Variants in HS6ST3 observed in about 807,000 individuals in gnomAD.
HS6ST3 encodes the protein heparan-sulfate 6-O-sulfotransferase 3.
In HS6ST3, 12 loss-of-function variants were observed where a neutral mutation model predicts 36.7. The ratio of observed to expected loss-of-function variants is 0.33; its 90% CI spans 0.21 to 0.53. HS6ST3 has a LOEUF of 0.53. HS6ST3 is among the 20% of genes least tolerant of loss of function. The pLI is 0.95. For synonymous variants in HS6ST3, 240 were observed against 257.5 expected, an observed-to-expected ratio of 0.93 and a Z score of 0.65; for missense variants, 584 against 640.9, an observed-to-expected ratio of 0.91 and a Z score of 0.96.
intron 1 of HS6ST3, among the ~76,000 whole-genome samples, chr13:96,595,946 A>T (rs2056399907): frequency 6.6e-6 from 1 of 151,570 alleles, no homozygotes. Context: ...AATTAAAACA[A>T]TTTTTTTTGT....
intron 1 of HS6ST3, among the ~76,000 whole-genome samples, chr13:96,312,940 AG>A (rs2054948880): frequency 7.8e-6 from 1 of 128,516 alleles, no homozygotes; most frequent in African/African-American, 3.2e-5. Flanking sequence ...TGACAGAGTG[AG>A]ACCCTGTCTC....
At chr13:96,534,313 C>A (rs1594801561) in intron 1 of HS6ST3, among the ~76,000 whole-genome samples, 1 of 152,092 alleles carries the variant, frequency 6.6e-6, no homozygotes, top group Non-Finnish European at 1.5e-5. Context: ...CTAATGTAAT[C>A]CAGATATATA....
At chr13:96,816,537 T>G (rs1296569804) in intron 1 of HS6ST3, among the ~76,000 whole-genome samples, 1 of 152,194 alleles carries the variant, frequency 6.6e-6, no homozygotes, top group Non-Finnish European at 1.5e-5. Context: ...ATTCATAATT[T>G]CAACAACCAA....
At chr13:96,435,761 A>G (rs971508710) in intron 1 of HS6ST3, among the ~76,000 whole-genome samples, 2 of 151,902 alleles carry the variant, frequency 1.3e-5, no homozygotes, top group Non-Finnish European at 2.9e-5. Context: ...AAACAAAAAT[A>G]AAAACAAAAC....
chr13:96,266,620 C>T (rs2054693655), intron 1 of HS6ST3, among the ~76,000 whole-genome samples: 1 of 152,092 alleles, frequency 6.6e-6, no homozygotes, highest in African/African-American at 2.4e-5. Context: ...TTTAGATTTG[C>T]ACTAATTCCC....
chr13:96,799,948 A>ATATATATATATATGTG (rs1878006665), intron 1 of HS6ST3, among the ~76,000 whole-genome samples: 38 of 101,262 alleles, frequency 3.8e-4, no homozygotes, highest in Admixed American at 1.0e-3. Flanking sequence ...GTGTGTGTAT[A>ATATATATATATATGTG]TATATATATA....
intron 1 of HS6ST3, among the ~76,000 whole-genome samples, chr13:96,160,654 T>A (rs2054131486): frequency 6.6e-6 from 1 of 152,214 alleles, no homozygotes; most frequent in Non-Finnish European, 1.5e-5. Context: ...AAAATGAGAA[T>A]AACAACAGCT....
At chr13:96,606,120 T>G (rs956490608) in intron 1 of HS6ST3, among the ~76,000 whole-genome samples, 5 of 152,108 alleles carry the variant, frequency 3.3e-5, no homozygotes, top group African/African-American at 1.2e-4. Flanking sequence ...TATACACTGT[T>G]GGGAATGTAA....
At chr13:96,482,781 C>T (rs1270711931) in intron 1 of HS6ST3, among the ~76,000 whole-genome samples, 1 of 152,190 alleles carries the variant, frequency 6.6e-6, no homozygotes, top group Non-Finnish European at 1.5e-5. Context: ...GAGTATGTTT[C>T]ACTTTTAGTT....
chr13:96,641,559 A>G (rs993807094), intron 1 of HS6ST3, among the ~76,000 whole-genome samples: 1 of 151,740 alleles, frequency 6.6e-6, no homozygotes, highest in African/African-American at 2.4e-5. Context: ...ATTTTTTTCT[A>G]TATGTCTTAT....
intron 1 of HS6ST3, among the ~76,000 whole-genome samples, chr13:96,174,037 A>T (rs2054201396): frequency 6.6e-6 from 1 of 151,490 alleles, no homozygotes; most frequent in South Asian, 2.1e-4. Context: ...CTTTTAACAG[A>T]TAGGAACAGT....
chr13:96,837,300 G>A lies in HS6ST3; in HGVS notation c.*4102G>A, dbSNP rs1053487055. ...TTTGTGTAGCATTTAATGGTTTTCAGAACATTTTTGCATGTGCTGTCTCAT... is the reference window on the plus strand; with the variant it reads ...TTTGTGTAGCATTTAATGGTTTTCAAAACATTTTTGCATGTGCTGTCTCAT... On this transcript the variant is annotated 3_prime_UTR_variant, in exon 2 of 2. Transcript: ENST00000376705. 1.3e-5 allele frequency: 2 copies of A among 152,174 alleles called. No homozygotes were observed. Among genetic ancestry groups the A allele is most frequent in the Non-Finnish European group, 1.5e-5 (1 of 68,032 alleles). The allele number at this position is 152,174 out of a possible 1,614,324, so 9.4% of individuals were successfully genotyped here. A position where few individuals can be genotyped will look rare whatever the true frequency, so the allele number is the denominator to read the frequency against.
At chr13:96,658,268 CTTTTTTT>C (rs71213623) in intron 1 of HS6ST3, among the ~76,000 whole-genome samples, 290 of 76,052 alleles carry the variant, frequency 3.8e-3, no homozygotes, top group African/African-American at 0.013. Context: ...TCTTCTTCTT[CTTTTTTT>C]TTTTTTTTTT....
chr13:96,792,853 A>T (rs977253969), intron 1 of HS6ST3, among the ~76,000 whole-genome samples: 4 of 152,014 alleles, frequency 2.6e-5, no homozygotes, highest in Admixed American at 1.3e-4. Context: ...TTGTGGTGGC[A>T]TATGTTTATT....
chr13:96,128,856 T>G lies in HS6ST3; in HGVS notation c.707+37287T>G, dbSNP rs753767824. Among the ~76,000 whole-genome samples the G allele has an allele frequency of 1.8e-3, 270 of 148,186 alleles. 3 individuals are homozygous for G. Among genetic ancestry groups the G allele is most frequent in the Non-Finnish European group, 1.2e-3 (81 of 66,670 alleles). ...AAAGTATTTTTTTTTCCCCTGTGCT[T>G]TTTTTTTTTGGCGGAGTTTTGCTCT... On this transcript the variant is annotated intron_variant, in intron 1 of 1. Transcript: ENST00000376705.
intron 1 of HS6ST3, among the ~76,000 whole-genome samples, chr13:96,816,552 A>C (rs1878425883): frequency 6.6e-6 from 1 of 152,178 alleles, no homozygotes; most frequent in African/African-American, 2.4e-5. Context: ...AACCAAAATG[A>C]ATGTGGAAGC....
intron 1 of HS6ST3, among the ~76,000 whole-genome samples, chr13:96,544,782 A>C (rs562321875): frequency 4.6e-5 from 7 of 152,272 alleles, no homozygotes; most frequent in South Asian, 2.1e-4. Context: ...CTGATGGAGC[A>C]TGGTGAGTGG....
At chr13:96,145,959 G>A (rs992763640) in intron 1 of HS6ST3, among the ~76,000 whole-genome samples, 1 of 152,158 alleles carries the variant, frequency 6.6e-6, no homozygotes, top group African/African-American at 2.4e-5. Flanking sequence ...AGATCAGATA[G>A]TTGTAGATAC....
chr13:96,530,963 C>T (rs2056132960), intron 1 of HS6ST3, among the ~76,000 whole-genome samples: 1 of 152,132 alleles, frequency 6.6e-6, no homozygotes, highest in Non-Finnish European at 1.5e-5. Flanking sequence ...GAGTACTGTT[C>T]AGTTGGTCCA....
Sources: allele counts gnomAD v4.1 joint callset (sites outside exome capture counted in the v4.1 genomes callset), GRCh38; gene constraint gnomAD v4.1.1; transcripts MANE v1.5; gene names NCBI Gene and HGNC (gene_info 2026-07-23, HGNC 2026-07-21).